AGBL1: variants seen among roughly 807,000 people sequenced by gnomAD.
The protein encoded by AGBL1 is cytosolic carboxypeptidase 4.
AGBL1 carries 130 observed loss-of-function variants against 118.9 expected under a neutral mutation model. The ratio of observed to expected loss-of-function variants is 1.09; its 90% CI spans 0.95 to 1.26. AGBL1 has a LOEUF of 1.26. AGBL1 is among the 50% of genes most tolerant of loss of function. The probability of loss-of-function intolerance (pLI) is 0.00; values close to 1 mark genes in which losing one functional copy is unlikely to be tolerated. For missense variants in AGBL1, 1,584 were observed against 1,298.1 expected (o/e 1.22, Z -3.38); for synonymous variants, 555 against 478.9 (o/e 1.16, Z -2.08).
At chr15:86,943,907 C>A (rs1383696608) in intron 23 of AGBL1, among the ~76,000 whole-genome samples, 1 of 152,160 alleles carries the variant, frequency 6.6e-6, no homozygotes, top group Non-Finnish European at 1.5e-5. Context: ...CCAGGAGCAG[C>A]CAAATGGCCC....
chr15:86,321,398 T>A (rs2080103092), intron 17 of AGBL1, among the ~76,000 whole-genome samples: 1 of 152,132 alleles, frequency 6.6e-6, no homozygotes, highest in Non-Finnish European at 1.5e-5. Flanking sequence ...GCTGTTCAAG[T>A]TCTTCCGCTT....
chr15:86,991,063 TAG>T (rs2081332159), intron 24 of AGBL1, among the ~76,000 whole-genome samples: 1 of 152,198 alleles, frequency 6.6e-6, no homozygotes, highest in African/African-American at 2.4e-5. Context: ...TAAGAGTACC[TAG>T]GCTCTCTGAT....
At chr15:86,429,905 C>T (rs561767699) in intron 18 of AGBL1, among the ~76,000 whole-genome samples, 1 of 152,268 alleles carries the variant, frequency 6.6e-6, no homozygotes, top group East Asian at 1.9e-4. Flanking sequence ...CCACACTGGC[C>T]TGGAGTTCAG....
rs138543088 is a variant in AGBL1 at position 86,393,730 on chromosome 15, G to A, written c.2375-3636G>A. ...TCAGTTAGTGAGTCATTAGTCCTAT[G>A]GTGCAGAACACCTAATCTGCTATGG... On this transcript the variant is annotated intron_variant, in intron 17 of 22. Transcript: ENST00000614907. 3.1e-3 allele frequency among the ~76,000 whole-genome samples: 464 copies of A among 152,106 alleles called. 5 individuals are homozygous for A. The highest frequency in any genetic ancestry group is 5.2e-3 in the Non-Finnish European group (351 of 67,986).
chr15:86,123,406 AT>A (rs1215768363), intron 1 of AGBL1, among the ~76,000 whole-genome samples: 3 of 151,998 alleles, frequency 2.0e-5, no homozygotes, highest in Non-Finnish European at 2.9e-5. Context: ...TGCCCAGCTA[AT>A]TTTTGTGTTT....
chr15:86,482,770 C>T (rs1463540080), intron 18 of AGBL1, among the ~76,000 whole-genome samples: 4 of 152,054 alleles, frequency 2.6e-5, no homozygotes, highest in Admixed American at 2.0e-4. Flanking sequence ...ACACAGTCAA[C>T]ATAGATCAGA....
At chr15:86,248,381 A>G (rs1349335556) in intron 7 of AGBL1, among the ~76,000 whole-genome samples, 1 of 152,176 alleles carries the variant, frequency 6.6e-6, no homozygotes, top group Admixed American at 6.5e-5. Flanking sequence ...TACTTAACAT[A>G]TATTTGTTGA....
intron 22 of AGBL1, among the ~76,000 whole-genome samples, chr15:86,848,816 G>A (rs1019581446): frequency 1.3e-5 from 2 of 152,112 alleles, no homozygotes; most frequent in African/African-American, 4.8e-5. Flanking sequence ...TTTTATGGTA[G>A]CAATATACAT....
chr15:86,466,704 G>C (rs2142094984), intron 18 of AGBL1, among the ~76,000 whole-genome samples: 1 of 152,294 alleles, frequency 6.6e-6, no homozygotes, highest in Middle Eastern at 3.4e-3. Context: ...TGTTGATGTT[G>C]ATTCTATTGC....
At chr15:86,560,703 A>G (rs2142284880) in intron 21 of AGBL1, among the ~76,000 whole-genome samples, 1 of 152,338 alleles carries the variant, frequency 6.6e-6, no homozygotes, top group Middle Eastern at 3.4e-3. Flanking sequence ...TAGATCCTTG[A>G]GGAATCGCCA....
At chr15:86,263,526 A>G (rs888821107) in intron 10 of AGBL1, among the ~76,000 whole-genome samples, 3 of 152,252 alleles carry the variant, frequency 2.0e-5, no homozygotes, top group African/African-American at 7.2e-5. Context: ...CCCTGCCCCC[A>G]TGCACTGAAA....
rs570680549 is a variant in AGBL1, at chr15:86,707,294, T to C, written c.3158+32858T>C. Reference sequence around the variant, plus strand: ...AAATTGGAATAAAAATAAATCCAGGTATATAGTCAGTTATTTTTCTTGATG... The same window carrying C: ...AAATTGGAATAAAAATAAATCCAGGCATATAGTCAGTTATTTTTCTTGATG... On this transcript the variant is annotated intron_variant, in intron 22 of 22. Transcript: ENST00000614907. Among the ~76,000 whole-genome samples the C allele has an allele frequency of 2.6e-5, 4 of 152,262 alleles. No homozygotes were observed. The East Asian group carries it at 7.7e-4, about 29-fold the overall frequency.
At chr15:86,268,580 G>A (rs2079108688) in intron 13 of AGBL1, among the ~76,000 whole-genome samples, 1 of 152,160 alleles carries the variant, frequency 6.6e-6, no homozygotes, top group African/African-American at 2.4e-5. Context: ...GAGTCAAATA[G>A]CAGAAACAAA....
intron 1 of AGBL1, among the ~76,000 whole-genome samples, chr15:86,118,768 G>A (rs1897919663): frequency 1.3e-5 from 2 of 151,638 alleles, no homozygotes; most frequent in South Asian, 4.2e-4. Context: ...TTTGGGTGGG[G>A]TGGGGTGGTG....
chr15:86,339,511 T>C (rs961964404), intron 17 of AGBL1, among the ~76,000 whole-genome samples: 15 of 152,200 alleles, frequency 9.9e-5, no homozygotes, highest in African/African-American at 3.6e-4. Context: ...TCACAGGTCA[T>C]TGAGATTTCT....
At position 86,841,751 on chromosome 15, in the gene AGBL1, G is replaced by A. The variant is rs548204178; in HGVS notation, c.3159-65336G>A. 9.7e-4 allele frequency among the ~76,000 whole-genome samples: 147 copies of A among 152,250 alleles called. 3 individuals carry two copies. In the South Asian group the frequency reaches 0.028, roughly 29 times the overall value. Reference sequence around the variant, plus strand: ...AATCCCATCTACTTGGGAGGCTGACGCAGGAGAATCGCTTGAACCAGAGAG... The same window carrying A: ...AATCCCATCTACTTGGGAGGCTGACACAGGAGAATCGCTTGAACCAGAGAG... On this transcript the variant is annotated intron_variant, in intron 22 of 22. Coordinates refer to ENST00000614907, the MANE Select transcript of AGBL1 (RefSeq NM_001386094.1).
chr15:86,475,472 CAGTG>C (rs1176382067), intron 18 of AGBL1, among the ~76,000 whole-genome samples: 4 of 152,082 alleles, frequency 2.6e-5, no homozygotes, highest in Non-Finnish European at 5.9e-5. Context: ...GAAAGGGTAT[CAGTG>C]ATTGAAGATC....
chr15:86,468,039 CT>C, intron 18 of AGBL1, among the ~76,000 whole-genome samples: 1 of 152,132 alleles, frequency 6.6e-6, no homozygotes, highest in Non-Finnish European at 1.5e-5. Context: ...CTGTAAACTC[CT>C]TGGGGCAGGA....
At chr15:86,847,712 A>G (rs2079339137) in intron 22 of AGBL1, among the ~76,000 whole-genome samples, 1 of 152,080 alleles carries the variant, frequency 6.6e-6, no homozygotes, top group East Asian at 1.9e-4. Flanking sequence ...CTGGCTCCAG[A>G]TTTTATTTTT....
Sources: gnomAD v4.1 joint callset for allele counts (sites outside exome capture counted in the v4.1 genomes callset) on GRCh38, gnomAD v4.1.1 for gene constraint, MANE v1.5 for transcripts, NCBI Gene and HGNC (gene_info 2026-07-23, HGNC 2026-07-21) for gene names.